Variants in PERP observed in about 807,000 individuals in gnomAD.
The protein encoded by PERP is p53 apoptosis effector related to PMP22.
Under a neutral mutation model 20.3 loss-of-function variants are expected in PERP, and 11 were observed. That is an observed-to-expected ratio of 0.54 (90% confidence interval 0.34 to 0.90). The LOEUF is 0.90. PERP is among the 40% of genes least tolerant of loss of function. The pLI is 0.02. For missense variants in PERP, 224 were observed against 249.4 expected, an observed-to-expected ratio of 0.90 and a Z score of 0.69; for synonymous variants, 101 against 102.0, an observed-to-expected ratio of 0.99 and a Z score of 0.06.
rs888682128 is a variant in PERP, at chr6:138,090,709, A to C, written c.*1333T>G. ...CAAAAACCACTTTTCATTATATCCC[A>C]TGTTCTTATTACCCATTTTTTTTTT... On this transcript the variant is annotated 3_prime_UTR_variant, in exon 3 of 3. Coordinates refer to ENST00000421351, the MANE Select transcript of PERP (RefSeq NM_022121.5). The C allele has an allele frequency of 3.3e-5, 5 of 151,670 alleles. No homozygotes were observed. The highest frequency in any genetic ancestry group is 1.2e-4 in the African/African-American group (5 of 41,290). 9.4% of individuals were successfully genotyped at this position (151,670 alleles called of 1,614,324 possible). A position where few individuals can be genotyped will look rare whatever the true frequency, so the allele number is the denominator to read the frequency against.
rs900720950 is a variant in PERP, at chr6:138,090,216, T to C, written c.*1826A>G. 6.6e-5 allele frequency: 10 copies of C among 152,130 alleles called. No individual in the cohort carries two copies. The highest frequency in any genetic ancestry group is 2.4e-4 in the African/African-American group (10 of 41,420). 9.4% of individuals were successfully genotyped at this position (152,130 alleles called of 1,614,324 possible). On this transcript the variant is annotated 3_prime_UTR_variant, in exon 3 of 3. Transcript: ENST00000421351. The stretch of plus-strand genomic sequence containing the variant: ...CGCATTTTGAAAAGCATAGAAAAAT[T>C]CACTGCCAAGGACTAGCTGGCCAAC...
rs148174761 is a variant in PERP at position 138,102,465 on chromosome 6, G to A, written c.214+4662C>T. Among the ~76,000 whole-genome samples, 790 of 152,306 alleles carry A rather than the reference G, an allele frequency of 5.2e-3. 5 individuals are homozygous for A. The highest frequency in any genetic ancestry group is 0.018 in the African/African-American group (736 of 41,568). ...AGAACTAAGTTGTTGAATAAGGGAC[G>A]AAGCTTAGTCAGGGGTGCTATGGAT... is the stretch of plus-strand genomic sequence containing the variant. On this transcript the variant is annotated intron_variant, in intron 1 of 2. Transcript: ENST00000421351.
At chr6:138,100,940 G>A (rs1024704478) in intron 1 of PERP, among the ~76,000 whole-genome samples, 2 of 152,120 alleles carry the variant, frequency 1.3e-5, no homozygotes, top group African/African-American at 4.8e-5. Flanking sequence ...TTCCTAGGAC[G>A]TGTTTTTAAG....
At position 138,096,439 on chromosome 6, in the gene PERP, G is replaced by A. The variant is rs1377909940; in HGVS notation, c.270C>T (p.Ile90=). The A allele has an allele frequency of 1.4e-5, 22 of 1,613,852 alleles. No individual in the cohort carries two copies. Among genetic ancestry groups the A allele is most frequent in the Non-Finnish European group, 1.8e-5 (21 of 1,179,974 alleles). The change falls in exon 2 of 3, where the codon ATC becomes ATT. Residue 90 remains isoleucine (I), a synonymous_variant. Transcript: ENST00000421351. ...MLFCGFIILV[I]CFILSFFALC... is the part of the protein sequence containing the mutation. ...GGGCGAAGAAGGAGAGGATGAAACA[G>A]ATCACCAGGATGATGAAGCCACAGA...
At chr6:138,106,645 A>C (rs1775845936) in intron 1 of PERP, among the ~76,000 whole-genome samples, 1 of 152,232 alleles carries the variant, frequency 6.6e-6, no homozygotes, top group South Asian at 2.1e-4. Flanking sequence ...ACTGCCTGAA[A>C]GGGCTTTTTT....
Position 138,090,957 on chromosome 6 carries a change from G to C in PERP, c.*1085C>G, listed in dbSNP as rs1562322365. 6.6e-6 allele frequency: 1 copy of C among 152,566 alleles called. No individual in the cohort carries two copies. Among genetic ancestry groups the C allele is most frequent in the Non-Finnish European group, 1.5e-5 (1 of 68,022 alleles). The allele number at this position is 152,566 out of a possible 1,614,324, so 9.5% of individuals were successfully genotyped here. ...CGATGCATCATATATATGCTATTCAGAGAAACTCAAATCCCCGAATTCTCC... is the reference window on the plus strand; with the variant it reads ...CGATGCATCATATATATGCTATTCACAGAAACTCAAATCCCCGAATTCTCC... On this transcript the variant is annotated 3_prime_UTR_variant, in exon 3 of 3. Coordinates refer to ENST00000421351, the MANE Select transcript of PERP (RefSeq NM_022121.5).
In PERP at chr6:138,092,074, C is replaced by G. The variant is rs1465645804; in HGVS notation, c.550G>C (p.Ala184Pro). 1 of 1,614,034 alleles carries G rather than the reference C, an allele frequency of 6.2e-7. No individual in the cohort carries two copies. Among genetic ancestry groups the G allele is most frequent in the South Asian group, 1.1e-5 (1 of 91,062 alleles). ...GATGTGTAGAAGTACCTGGGCTTGGCATTGCCCAGAAGGTCATCTTCGTAG... is the reference window on the plus strand; with the variant it reads ...GATGTGTAGAAGTACCTGGGCTTGGGATTGCCCAGAAGGTCATCTTCGTAG... ...PNYEDDLLGN[A>P]KPRYFYTSA is the part of the protein sequence containing the mutation. Residue 184 changes from alanine to proline, a missense_variant, in exon 3 of 3, where the codon GCC becomes CCC. By Grantham distance (27) the Ala-to-Pro change is conservative. Transcript: ENST00000421351.
chr6:138,097,054 C>CT (rs1345109653), intron 1 of PERP, among the ~76,000 whole-genome samples: 3 of 152,132 alleles, frequency 2.0e-5, no homozygotes, highest in Non-Finnish European at 4.4e-5. Flanking sequence ...TTATAACAAG[C>CT]TTATAACTAG....
chr6:138,101,227 G>A (rs1775766557), intron 1 of PERP, among the ~76,000 whole-genome samples: 1 of 151,972 alleles, frequency 6.6e-6, no homozygotes, highest in South Asian at 2.1e-4. Context: ...AAAATTAACT[G>A]CGTGTGGTGG....
At position 138,092,158 on chromosome 6, in the gene PERP, C is replaced by A; in HGVS notation, c.466G>T (p.Gly156Trp). ...ATCAGGATAATCGTGGCTGCCCACCCAAAGCCGTAGGCCCAGTTATAGATG... is the reference window on the plus strand; with the variant it reads ...ATCAGGATAATCGTGGCTGCCCACCAAAAGCCGTAGGCCCAGTTATAGATG... ...TYIYNWAYGF[G>W]WAATIILIGC... is the part of the protein sequence containing the mutation. The change falls in exon 3 of 3, where the codon GGG becomes TGG. Residue 156 changes from glycine (G) to tryptophan (W), a missense_variant. Transcript: ENST00000421351. 6.2e-7 allele frequency: 1 copy of A among 1,614,072 alleles called. No individual in the cohort carries two copies. The highest frequency in any genetic ancestry group is 8.5e-7 in the Non-Finnish European group (1 of 1,179,990).
At position 138,107,228 on chromosome 6, in the gene PERP, GA is replaced by G. The variant is rs769404975; in HGVS notation, c.112del (p.Ser38LeufsTer52). On this transcript the variant is annotated frameshift_variant, in exon 1 of 3. Coordinates refer to ENST00000421351, the MANE Select transcript of PERP (RefSeq NM_022121.5). LOFTEE classifies it high-confidence loss of function. This position sits in a 1 kb window ranked among gnomAD's most constrained non-coding sequence, Gnocchi z 4.8. ...CGAGGACGTCTGGCCGTGGTCGCTA[GA>G]CTGCAACCAGCCGCGGCCGGCCAGC... ...IALAGRGWLQSSDHGQTSSLW... is the reference protein window; with the variant it reads ...IALAGRGWLQXSDHGQTSSLW... The G allele has an allele frequency of 3.1e-6, 5 of 1,612,318 alleles. No individual in the cohort carries two copies. The Admixed American group carries it at 8.3e-5, about 27-fold the overall frequency.
At chr6:138,104,778 T>C (rs1161340244) in intron 1 of PERP, among the ~76,000 whole-genome samples, 2 of 152,246 alleles carry the variant, frequency 1.3e-5, no homozygotes, top group Non-Finnish European at 2.9e-5. Flanking sequence ...CACAAGATAC[T>C]GTGTGTTTGT....
chr6:138,104,021 C>A (rs1194936005), intron 1 of PERP, among the ~76,000 whole-genome samples: 1 of 152,222 alleles, frequency 6.6e-6, no homozygotes, highest in African/African-American at 2.4e-5. Context: ...TCCTCACTGA[C>A]TCCCTGTTTC....
At position 138,107,236 on chromosome 6, in the gene PERP, C is replaced by A. The variant is rs1459926566; in HGVS notation, c.105G>T (p.Trp35Cys). Residue 35 changes from tryptophan (W) to cysteine (C), a missense_variant, in exon 1 of 3, where the codon TGG becomes TGT. Coordinates refer to ENST00000421351, the MANE Select transcript of PERP (RefSeq NM_022121.5). The surrounding 1 kb of genome is among the most constrained non-coding windows in gnomAD (Gnocchi z 4.8). ...FDIIALAGRGWLQSSDHGQTS... is the reference protein window; with the variant it reads ...FDIIALAGRGCLQSSDHGQTS... ...TCTGGCCGTGGTCGCTAGACTGCAACCAGCCGCGGCCGGCCAGCGCGATGA... is the reference window on the plus strand; with the variant it reads ...TCTGGCCGTGGTCGCTAGACTGCAAACAGCCGCGGCCGGCCAGCGCGATGA... 23 of 1,612,352 alleles carry A rather than the reference C, an allele frequency of 1.4e-5. No homozygotes were observed. Among genetic ancestry groups the A allele is most frequent in the Non-Finnish European group, 1.9e-5 (22 of 1,179,698 alleles).
intron 1 of PERP, among the ~76,000 whole-genome samples, chr6:138,096,886 G>A (rs1183916699): frequency 6.6e-6 from 1 of 152,162 alleles, no homozygotes; most frequent in African/African-American, 2.4e-5. Flanking sequence ...GAGCAATCCA[G>A]ATTATAAACT....
At chr6:138,104,921 G>A (rs1321881502) in intron 1 of PERP, among the ~76,000 whole-genome samples, 2 of 150,332 alleles carry the variant, frequency 1.3e-5, no homozygotes, top group Non-Finnish European at 2.9e-5. Flanking sequence ...CTAGATAATC[G>A]CCTTACAGTG....
chr6:138,107,407 G>T lies in PERP; in HGVS notation c.-67C>A. On this transcript the variant is annotated 5_prime_UTR_variant, in exon 1 of 3. Coordinates refer to ENST00000421351, the MANE Select transcript of PERP (RefSeq NM_022121.5). The surrounding 1 kb of genome is among the most constrained non-coding windows in gnomAD (Gnocchi z 4.8). The stretch of plus-strand genomic sequence containing the variant: ...GGTCGGAGGAGCGCGCGGGACGGGC[G>T]ACAGCAGAGAGTGGCCTGCGAGCGC... The T allele has an allele frequency of 7.7e-7, 1 of 1,306,080 alleles. No homozygotes were observed. The allele number at this position is 1,306,080 out of a possible 1,614,324, so 80.9% of individuals were successfully genotyped here.
intron 2 of PERP, among the ~76,000 whole-genome samples, chr6:138,095,080 T>A (rs536297166): frequency 6.6e-6 from 1 of 152,268 alleles, no homozygotes; most frequent in Admixed American, 6.5e-5. Flanking sequence ...CTACGACACA[T>A]GAAAGGAAGA....
At chr6:138,094,902 G>A (rs1483837326) in intron 2 of PERP, among the ~76,000 whole-genome samples, 1 of 152,108 alleles carries the variant, frequency 6.6e-6, no homozygotes, top group African/African-American at 2.4e-5. Flanking sequence ...TGTATTTTTA[G>A]TAGAGATGGG....
Sources: allele counts gnomAD v4.1 joint callset (sites outside exome capture counted in the v4.1 genomes callset), GRCh38; gene constraint gnomAD v4.1.1; non-coding constraint Gnocchi (gnomAD v3.1); transcripts MANE v1.5; gene names NCBI Gene and HGNC (gene_info 2026-07-23, HGNC 2026-07-21).